MYO5B: variants seen among roughly 807,000 people sequenced by gnomAD.
MYO5B encodes unconventional myosin-Vb.
MYO5B carries 143 observed loss-of-function variants against 229.3 expected under a neutral mutation model. The observed-to-expected ratio is 0.62, with a 90% CI of 0.54 to 0.72. The LOEUF (loss-of-function observed/expected upper bound fraction) is 0.72, where lower values mean the gene tolerates loss of function less well. MYO5B is among the 30% of genes least tolerant of loss of function. The pLI, the probability that MYO5B is intolerant of heterozygous loss-of-function variation, is 0.00. For synonymous variants in MYO5B, 918 were observed against 885.2 expected, an observed-to-expected ratio of 1.04 and a Z score of -0.66; for missense variants, 2,321 against 2,331.0, an observed-to-expected ratio of 1.00 and a Z score of 0.09.
chr18:49,836,594 G>C, intron 38 of MYO5B, 117 bp downstream of exon 38: 1 of 1,183,426 alleles, frequency 8.5e-7, no homozygotes, highest in Non-Finnish European at 1.3e-6. Flanking sequence ...GTCTCATTAG[G>C]GGTATATAAA....
chr18:50,035,842 CT>C (rs2026442176), intron 4 of MYO5B, among the ~76,000 whole-genome samples: 1 of 152,290 alleles, frequency 6.6e-6, no homozygotes, highest in African/African-American at 2.4e-5. Flanking sequence ...GAATATATCA[CT>C]GAGTATCTAT....
At chr18:50,142,568 T>TA (rs1189776924) in intron 1 of MYO5B, among the ~76,000 whole-genome samples, 2 of 152,156 alleles carry the variant, frequency 1.3e-5, no homozygotes, top group African/African-American at 4.8e-5. Context: ...CCAAGGTATA[T>TA]AGGGGATGTC....
Position 49,906,430 on chromosome 18 carries a change from G to A in MYO5B, c.2403C>T (p.His801=), listed in dbSNP as rs200132129. ...TLTLQRYCRG[H]LARRLAEHLR... is the part of the protein sequence containing the mutation. Reference sequence around the variant, plus strand: ...ACAGTCTGGCTCACCTGCGGGCCAGGTGTCCCCGGCAGTACCTCTGCAGGG... The same window carrying A: ...ACAGTCTGGCTCACCTGCGGGCCAGATGTCCCCGGCAGTACCTCTGCAGGG... Residue 801 remains histidine, a synonymous_variant, in exon 19 of 40, where the codon CAC becomes CAT. Transcript: ENST00000285039. 4 of 1,614,050 alleles carry A rather than the reference G, an allele frequency of 2.5e-6. No individual in the cohort carries two copies. The highest frequency in any genetic ancestry group is 1.3e-5 in the African/African-American group (1 of 75,018).
At chr18:50,183,003 A>G (rs2033094547) in intron 1 of MYO5B, among the ~76,000 whole-genome samples, 1 of 152,112 alleles carries the variant, frequency 6.6e-6, no homozygotes, top group East Asian at 1.9e-4. Flanking sequence ...TCAACCACCA[A>G]TTGCGTACCC....
rs371951709 is a variant in MYO5B at position 49,985,700 on chromosome 18, G to C, written c.839-875C>G. Among the ~76,000 whole-genome samples, 7 of 152,204 alleles carry C rather than the reference G, an allele frequency of 4.6e-5. 1 individual carries two copies. In the East Asian group the frequency reaches 7.7e-4, roughly 17 times the overall value. ...TCATGCTCTAAGTGTATAACGTTTG[G>C]TTTTGATAGAATGTCAAAAGGAGAC... On this transcript the variant is annotated intron_variant, in intron 7 of 39. Coordinates refer to ENST00000285039, the MANE Select transcript of MYO5B (RefSeq NM_001080467.3).
chr18:49,938,391 T>C (rs540682856), intron 14 of MYO5B, among the ~76,000 whole-genome samples: 1 of 152,206 alleles, frequency 6.6e-6, no homozygotes, highest in African/African-American at 2.4e-5. Context: ...GGGAAGTCAA[T>C]GCTGGGGCTA....
chr18:50,014,689 AT>A (rs1395844713), intron 4 of MYO5B, among the ~76,000 whole-genome samples: 1 of 152,124 alleles, frequency 6.6e-6, no homozygotes, highest in Non-Finnish European at 1.5e-5. Context: ...GACAGCTGCT[AT>A]TTTACATGGA....
intron 1 of MYO5B, among the ~76,000 whole-genome samples, chr18:50,142,801 T>A (rs1344987537): frequency 6.6e-6 from 1 of 152,198 alleles, no homozygotes; most frequent in Non-Finnish European, 1.5e-5. Flanking sequence ...GACAACAGCA[T>A]TCAGGTTTGC....
chr18:50,076,258 A>C (rs1011989731), intron 1 of MYO5B, among the ~76,000 whole-genome samples: 5 of 152,212 alleles, frequency 3.3e-5, no homozygotes, highest in Non-Finnish European at 7.3e-5. Context: ...CCCTGGCTGC[A>C]GAACTGTACG....
intron 10 of MYO5B, among the ~76,000 whole-genome samples, chr18:49,973,029 T>C (rs1308800961): frequency 6.6e-6 from 1 of 152,062 alleles, no homozygotes; most frequent in African/African-American, 2.4e-5. Flanking sequence ...CCAGTTCAAA[T>C]CTTAGCTCCC....
chr18:49,902,230 C>A (rs571852141), intron 21 of MYO5B, among the ~76,000 whole-genome samples: 1 of 152,282 alleles, frequency 6.6e-6, no homozygotes, highest in South Asian at 2.1e-4. Context: ...TCCCTCCCAC[C>A]TCTGATTCTG....
intron 1 of MYO5B, among the ~76,000 whole-genome samples, chr18:50,080,571 G>A (rs997424167): frequency 6.6e-6 from 1 of 152,168 alleles, no homozygotes; most frequent in African/African-American, 2.4e-5. Context: ...GCCACTTGTA[G>A]GCCATCCACA....
intron 1 of MYO5B, among the ~76,000 whole-genome samples, chr18:50,061,685 G>T (rs1299954758): frequency 6.6e-6 from 1 of 152,106 alleles, no homozygotes; most frequent in Non-Finnish European, 1.5e-5. Flanking sequence ...TTAAATCTTT[G>T]GGGGTAGGGC....
At chr18:50,126,602 C>G (rs753119492) in intron 1 of MYO5B, 1 of 154,880 alleles carries the variant, frequency 6.5e-6, no homozygotes, top group African/African-American at 2.4e-5. Context: ...CAAGAGCTTG[C>G]ACACATTCCT....
chr18:50,171,652 C>T (rs2032921539), intron 1 of MYO5B, among the ~76,000 whole-genome samples: 1 of 128,348 alleles, frequency 7.8e-6, no homozygotes, highest in Non-Finnish European at 1.7e-5. Context: ...TCTCATGTGA[C>T]AAGAAGTCCA....
At chr18:49,943,914 G>A (rs969124753) in intron 14 of MYO5B, among the ~76,000 whole-genome samples, 2 of 152,202 alleles carry the variant, frequency 1.3e-5, no homozygotes, top group African/African-American at 4.8e-5. Flanking sequence ...TGAACTGTAG[G>A]ACATTGGATG....
intron 32 of MYO5B, 118 bp from the exon 33 acceptor site, chr18:49,847,407 C>T: frequency 1.5e-6 from 2 of 1,314,696 alleles, no homozygotes; most frequent in Non-Finnish European, 2.1e-6. Context: ...GCATCTCTGG[C>T]AGGTGGAGGA....
chr18:50,150,064 C>CA (rs1568125481), intron 1 of MYO5B, among the ~76,000 whole-genome samples: 1 of 149,252 alleles, frequency 6.7e-6, no homozygotes, highest in Admixed American at 6.6e-5. Flanking sequence ...TTTGTGCAGC[C>CA]AAAAAACACA....
intron 11 of MYO5B, among the ~76,000 whole-genome samples, 199 bp downstream of exon 11, chr18:49,962,750 G>T (rs1241232251): frequency 1.3e-5 from 2 of 152,054 alleles, no homozygotes; most frequent in Non-Finnish European, 2.9e-5. Context: ...TCCCCTCTCA[G>T]CACAGTTGCC....
Sources: allele counts gnomAD v4.1 joint callset (sites outside exome capture counted in the v4.1 genomes callset), GRCh38; gene constraint gnomAD v4.1.1; transcripts MANE v1.5; gene names NCBI Gene and HGNC (gene_info 2026-07-23, HGNC 2026-07-21).